REC114: variants seen among roughly 807,000 people sequenced by gnomAD.
The protein encoded by REC114 is REC114 meiotic recombination protein, also known as meiotic recombination protein REC114.
REC114 carries 27 observed loss-of-function variants against 31.3 expected under a neutral mutation model. That is an observed-to-expected ratio of 0.86 (90% confidence interval 0.64 to 1.19). The LOEUF (loss-of-function observed/expected upper bound fraction) is 1.19, where lower values mean the gene tolerates loss of function less well. Ranked by LOEUF, REC114 falls within the 50% of genes most tolerant of loss-of-function variation. The pLI is 0.00. For synonymous variants in REC114, 134 were observed against 127.7 expected (o/e 1.05, Z -0.33); for missense variants, 344 against 326.9 (o/e 1.05, Z -0.40).
chr15:73,445,963 T>A (rs1457057703), intron 1 of REC114, among the ~76,000 whole-genome samples: 1 of 152,224 alleles, frequency 6.6e-6, no homozygotes, highest in African/African-American at 2.4e-5. Context: ...TTGATTGATG[T>A]GGGGTTGCCA....
At chr15:73,557,366 G>A (rs575884942) in intron 5 of REC114, among the ~76,000 whole-genome samples, 18 of 148,626 alleles carry the variant, frequency 1.2e-4, no homozygotes, top group South Asian at 2.1e-4. Flanking sequence ...CACTATGCCC[G>A]GCCACATTTT....
chr15:73,464,009 C>G (rs998759493), intron 1 of REC114, among the ~76,000 whole-genome samples: 1 of 152,120 alleles, frequency 6.6e-6, no homozygotes, highest in Non-Finnish European at 1.5e-5. Context: ...AGTCTCACTT[C>G]TTTCTGCAGT....
At chr15:73,469,450 G>T (rs1048624939) in intron 1 of REC114, among the ~76,000 whole-genome samples, 1 of 151,986 alleles carries the variant, frequency 6.6e-6, no homozygotes, top group Non-Finnish European at 1.5e-5. Flanking sequence ...GTCTCACTCT[G>T]TTACCCAGGC....
intron 2 of REC114, among the ~76,000 whole-genome samples, chr15:73,490,975 CATG>C (rs968821246): frequency 1.3e-5 from 2 of 152,068 alleles, no homozygotes; most frequent in African/African-American, 4.8e-5. Context: ...TTTAATTCAG[CATG>C]ATGTTTTTGA....
intron 5 of REC114, among the ~76,000 whole-genome samples, chr15:73,559,416 T>C (rs1352748435): frequency 6.6e-6 from 1 of 152,226 alleles, no homozygotes; most frequent in Non-Finnish European, 1.5e-5. Flanking sequence ...ATTGATAGCA[T>C]TGATAGGTTT....
At chr15:73,444,984 G>C (rs1327090187) in intron 1 of REC114, among the ~76,000 whole-genome samples, 1 of 152,132 alleles carries the variant, frequency 6.6e-6, no homozygotes. Context: ...ATTTTGACAA[G>C]AATCTTTTTT....
intron 2 of REC114, among the ~76,000 whole-genome samples, chr15:73,535,150 A>T (rs1595879851): frequency 6.9e-6 from 1 of 144,830 alleles, no homozygotes; most frequent in East Asian, 2.0e-4. Context: ...CACCACTCCT[A>T]TTCAACATAG....
chr15:73,556,552 CAG>C (rs527360827), intron 5 of REC114, among the ~76,000 whole-genome samples, 161 bp downstream of exon 5: 2 of 152,198 alleles, frequency 1.3e-5, no homozygotes, highest in South Asian at 2.1e-4. Context: ...CTACCCCTTG[CAG>C]AGTTAAGTTT....
chr15:73,469,193 G>T (rs1893101113), intron 1 of REC114, among the ~76,000 whole-genome samples: 1 of 152,166 alleles, frequency 6.6e-6, no homozygotes, highest in South Asian at 2.1e-4. Flanking sequence ...GTTATTGAGA[G>T]AGGGGTATTA....
At chr15:73,554,434 A>G (rs1395260467) in intron 4 of REC114, among the ~76,000 whole-genome samples, 1 of 152,230 alleles carries the variant, frequency 6.6e-6, no homozygotes, top group Non-Finnish European at 1.5e-5. Context: ...TTTTTAGTAT[A>G]AAATAGTTAT....
chr15:73,519,006 GA>G (rs1260102530), intron 2 of REC114, among the ~76,000 whole-genome samples: 2 of 152,180 alleles, frequency 1.3e-5, no homozygotes, highest in African/African-American at 4.8e-5. Context: ...AATCATTAGA[GA>G]AATGCAGATC....
At chr15:73,513,669 G>T (rs1270252388) in intron 2 of REC114, among the ~76,000 whole-genome samples, 2 of 152,058 alleles carry the variant, frequency 1.3e-5, no homozygotes, top group Non-Finnish European at 2.9e-5. Flanking sequence ...TAACAAACAG[G>T]ACCCTCAGCT....
chr15:73,475,371 A>T (rs554158478), intron 2 of REC114, among the ~76,000 whole-genome samples: 1 of 152,218 alleles, frequency 6.6e-6, no homozygotes, highest in Admixed American at 6.5e-5. Context: ...TCATCACAAC[A>T]TATTAGTCAA....
chr15:73,502,420 G>A (rs904613547), intron 2 of REC114, among the ~76,000 whole-genome samples: 4 of 152,022 alleles, frequency 2.6e-5, no homozygotes, highest in South Asian at 4.1e-4. Context: ...ATAGCCTACC[G>A]TTGACTGCCT....
intron 1 of REC114, among the ~76,000 whole-genome samples, chr15:73,444,969 A>G (rs767811167): frequency 4.6e-5 from 7 of 152,236 alleles, no homozygotes; most frequent in Non-Finnish European, 1.0e-4. Flanking sequence ...TCAATGAACA[A>G]TAATATTTTG....
Position 73,483,269 on chromosome 15 carries a change from C to CGCTGCTGCT in REC114, c.249+9363_249+9371dup, listed in dbSNP as rs35053500. 3.2e-5 allele frequency: 5 copies of CGCTGCTGCT among 154,820 alleles called. 1 individual carries two copies. The highest frequency in any genetic ancestry group is 1.3e-4 in the Admixed American group (2 of 15,242). 9.6% of individuals were successfully genotyped at this position (154,820 alleles called of 1,614,324 possible). ...TTCCTCTGGTCATGTTTTGAGCTGC[C>CGCTGCTGCT]GCTGCTGCTGCTGCTGCTGCTGCAA... On this transcript the variant is annotated intron_variant, in intron 2 of 5. Coordinates refer to ENST00000331090, the MANE Select transcript of REC114 (RefSeq NM_001042367.2).
At chr15:73,538,521 A>G (rs1894192439) in intron 2 of REC114, among the ~76,000 whole-genome samples, 1 of 134,958 alleles carries the variant, frequency 7.4e-6, no homozygotes, top group Admixed American at 8.8e-5. Context: ...CAGTGGCGCT[A>G]TCTTGGCTCA....
At chr15:73,502,697 A>T (rs1002231420) in intron 2 of REC114, among the ~76,000 whole-genome samples, 4 of 152,196 alleles carry the variant, frequency 2.6e-5, no homozygotes, top group African/African-American at 9.7e-5. Context: ...ATGGACCTGC[A>T]CAGTTCAAAC....
intron 5 of REC114, among the ~76,000 whole-genome samples, chr15:73,558,870 A>T (rs1358992517): frequency 6.6e-6 from 1 of 152,236 alleles, no homozygotes; most frequent in Non-Finnish European, 1.5e-5. Context: ...TAGCATCTTT[A>T]TTCATAATTG....
Sources: allele counts gnomAD v4.1 joint callset (sites outside exome capture counted in the v4.1 genomes callset), GRCh38; gene constraint gnomAD v4.1.1; transcripts MANE v1.5; gene names NCBI Gene and HGNC (gene_info 2026-07-23, HGNC 2026-07-21).